Variants in KLF8 observed in about 807,000 individuals in gnomAD.
KLF8 encodes Krueppel-like factor 8.
KLF8 carries 10 observed loss-of-function variants against 18.2 expected under a neutral mutation model. The ratio of observed to expected loss-of-function variants is 0.55; its 90% CI spans 0.34 to 0.93. The LOEUF (loss-of-function observed/expected upper bound fraction) is 0.93. KLF8 is among the 40% of genes least tolerant of loss of function. The pLI, the probability that KLF8 is intolerant of heterozygous loss-of-function variation, is 0.02. For synonymous variants in KLF8, 109 were observed against 97.3 expected (o/e 1.12, Z -0.71); for missense variants, 264 against 277.9 (o/e 0.95, Z 0.36).
At chrX:56,029,963 A>T in the KLF8 span, among the ~76,000 whole-genome samples, 1 of 112,116 alleles carries the variant, frequency 8.9e-6, no homozygotes, top group East Asian at 2.8e-4. Context: ...CGAGATATTC[A>T]TTCCTGCAAA....
the KLF8 span, among the ~76,000 whole-genome samples, chrX:55,949,715 C>T: frequency 1.8e-5 from 2 of 108,720 alleles, no homozygotes; most frequent in Admixed American, 9.9e-5. Flanking sequence ...CGCTTAAACC[C>T]GGGAGGCAGG....
chrX:56,057,373 T>C, the KLF8 span, among the ~76,000 whole-genome samples: 7 of 110,499 alleles, frequency 6.3e-5, no homozygotes, highest in Non-Finnish European at 7.6e-5. Context: ...GCTGTAGCAG[T>C]GGAAGGGCAG....
At chrX:56,059,836 G>T in the KLF8 span, among the ~76,000 whole-genome samples, 1 of 111,678 alleles carries the variant, frequency 9.0e-6, no homozygotes, top group Admixed American at 9.5e-5. Context: ...GGCAATATGG[G>T]CTCTTTTTCG....
At chrX:55,993,526 G>A in the KLF8 span, among the ~76,000 whole-genome samples, 8 of 111,767 alleles carry the variant, frequency 7.2e-5, no homozygotes, top group Admixed American at 1.9e-4. Flanking sequence ...GAAAATTTTC[G>A]CATGTATGTT....
At chrX:56,093,608 A>T in the KLF8 span, among the ~76,000 whole-genome samples, 4 of 110,597 alleles carry the variant, frequency 3.6e-5, no homozygotes, top group African/African-American at 9.8e-5. Context: ...GACCAAAATT[A>T]AAAAAAAGGA....
At chrX:56,269,610 A>G in intron 4 of KLF8, 121 bp downstream of exon 4, 1 of 1,017,673 alleles carries the variant, frequency 9.8e-7, no homozygotes, top group Non-Finnish European at 1.3e-6. Context: ...ATTTGAGGAC[A>G]AGAAATATAG....
At chrX:55,919,782 T>A in the KLF8 span, among the ~76,000 whole-genome samples, 9 of 111,791 alleles carry the variant, frequency 8.1e-5, no homozygotes, top group African/African-American at 2.9e-4. Context: ...GTGGTCTTTC[T>A]CTACCTGCTA....
the KLF8 span, among the ~76,000 whole-genome samples, chrX:56,187,046 A>G: frequency 1.8e-5 from 2 of 111,910 alleles, no homozygotes; most frequent in Non-Finnish European, 3.8e-5. Flanking sequence ...TGAAGGAAAG[A>G]GAGACAAAAA....
chrX:56,064,051 GTA>G, the KLF8 span, among the ~76,000 whole-genome samples: 6 of 106,303 alleles, frequency 5.6e-5, no homozygotes, highest in African/African-American at 6.8e-5. Flanking sequence ...ACATGTATGT[GTA>G]TATATATGTA....
At chrX:56,258,268 T>TTTGTTG (rs759457738) in intron 2 of KLF8, among the ~76,000 whole-genome samples, 1 of 111,941 alleles carries the variant, frequency 8.9e-6, no homozygotes, top group Non-Finnish European at 1.9e-5. Context: ...CATAGCTACC[T>TTTGTTG]TTGTTGTTGT....
the KLF8 span, among the ~76,000 whole-genome samples, chrX:56,176,240 C>G: frequency 8.9e-6 from 1 of 111,852 alleles, no homozygotes; most frequent in East Asian, 2.8e-4. Flanking sequence ...GTGGCTGGTA[C>G]CGGTTGTTCC....
chrX:56,028,922 C>T, the KLF8 span, among the ~76,000 whole-genome samples: 1 of 111,119 alleles, frequency 9.0e-6, no homozygotes, highest in African/African-American at 3.3e-5. Flanking sequence ...AAGTCCTGTA[C>T]GGGCCGATAG....
chrX:56,250,134 A>T (rs955336543), intron 1 of KLF8, 97 bp from the exon 2 acceptor site: 15 of 581,976 alleles, frequency 2.6e-5, no homozygotes, highest in Non-Finnish European at 4.0e-5. Flanking sequence ...ACTGAAAGAT[A>T]AAGGTCATAG....
the KLF8 span, among the ~76,000 whole-genome samples, chrX:56,181,188 G>A: frequency 8.9e-6 from 1 of 111,767 alleles, no homozygotes; most frequent in Non-Finnish European, 1.9e-5. Flanking sequence ...AGCTCTTCTT[G>A]TTGAATTGAT....
At chrX:56,164,836 T>G in the KLF8 span, among the ~76,000 whole-genome samples, 611 of 90,570 alleles carry the variant, frequency 6.7e-3, 9 homozygotes, top group African/African-American at 0.024. Flanking sequence ...TGTGCCATGC[T>G]GGTGCGCTGC....
chrX:56,011,741 G>A, the KLF8 span, among the ~76,000 whole-genome samples: 2 of 110,986 alleles, frequency 1.8e-5, no homozygotes, highest in Non-Finnish European at 3.8e-5. Flanking sequence ...AAAGAAGAAT[G>A]AAATAGACAC....
chrX:56,291,150 T>C lies in KLF8; in HGVS notation c.*6656T>C, dbSNP rs1316259154. Among the ~76,000 whole-genome samples, 1 of 111,948 alleles carries C rather than the reference T, an allele frequency of 8.9e-6. No individual in the cohort carries two copies. The highest frequency in any genetic ancestry group is 2.8e-4 in the East Asian group (1 of 3,561). ...GCCTGCAGTGAAAGGATCAGTTGGA[T>C]TTTTTGTCATTGTTAGTTTGTTTAA... On this transcript the variant is annotated 3_prime_UTR_variant, in exon 6 of 6. Coordinates refer to ENST00000468660, the MANE Select transcript of KLF8 (RefSeq NM_007250.5).
chrX:56,069,813 G>A, the KLF8 span, among the ~76,000 whole-genome samples: 58 of 111,612 alleles, frequency 5.2e-4, no homozygotes, highest in Non-Finnish European at 8.3e-4. Context: ...CTGCCCAGCG[G>A]TCCTGCCCAG....
the KLF8 span, among the ~76,000 whole-genome samples, chrX:55,970,045 A>C: frequency 9.0e-6 from 1 of 111,157 alleles, no homozygotes; most frequent in African/African-American, 3.3e-5. Context: ...TATTCCAGAA[A>C]ATAAAGGATG....
Sources: gnomAD v4.1 joint callset for allele counts (sites outside exome capture counted in the v4.1 genomes callset) on GRCh38, gnomAD v4.1.1 for gene constraint, MANE v1.5 for transcripts, NCBI Gene and HGNC (gene_info 2026-07-23, HGNC 2026-07-21) for gene names.